Variants in GHR observed in about 807,000 individuals in gnomAD.
GHR encodes growth hormone receptor.
A neutral mutation model predicts 67.1 loss-of-function variants in GHR; 35 were observed. The observed-to-expected ratio is 0.52, with a 90% CI of 0.40 to 0.69. The LOEUF (loss-of-function observed/expected upper bound fraction) is 0.69, where lower values mean the gene tolerates loss of function less well. Ranked by LOEUF, GHR falls within the 30% of genes least tolerant of loss-of-function variation. The pLI, the probability that GHR is intolerant of heterozygous loss-of-function variation, is 0.00. For missense variants in GHR, 792 were observed against 764.6 expected (o/e 1.04, Z -0.42); for synonymous variants, 272 against 269.1 (o/e 1.01, Z -0.10).
intron 1 of GHR, among the ~76,000 whole-genome samples, chr5:42,509,629 C>G (rs941249934): frequency 3.3e-5 from 5 of 151,816 alleles, no homozygotes; most frequent in African/African-American, 1.2e-4. Context: ...CAGCAATTTT[C>G]TTTCTTTCTC....
intron 3 of GHR, among the ~76,000 whole-genome samples, chr5:42,675,473 G>C (rs534144736): frequency 2.0e-5 from 3 of 152,064 alleles, no homozygotes; most frequent in Non-Finnish European, 4.4e-5. Flanking sequence ...ATAAGACAGA[G>C]GAGTGTATGA....
intron 1 of GHR, among the ~76,000 whole-genome samples, chr5:42,440,827 C>T (rs1021595296): frequency 2.6e-5 from 4 of 152,140 alleles, no homozygotes; most frequent in African/African-American, 9.7e-5. Context: ...TTAGTGCTGA[C>T]TTAGATAGTA....
chr5:42,600,988 G>A (rs1226034092), intron 2 of GHR, among the ~76,000 whole-genome samples: 2 of 133,960 alleles, frequency 1.5e-5, no homozygotes, highest in Admixed American at 8.8e-5. Flanking sequence ...GTGCGATGGT[G>A]CAATCTTGTC....
chr5:42,506,405 T>C (rs901684737), intron 1 of GHR, among the ~76,000 whole-genome samples: 1 of 152,224 alleles, frequency 6.6e-6, no homozygotes, highest in African/African-American at 2.4e-5. Flanking sequence ...ATTAATGAAC[T>C]AACAAAAGCA....
intron 1 of GHR, among the ~76,000 whole-genome samples, chr5:42,486,671 C>G (rs1745893660): frequency 6.6e-6 from 1 of 152,060 alleles, no homozygotes; most frequent in South Asian, 2.1e-4. Context: ...CACGGTGAAA[C>G]CCCGTCTCTA....
chr5:42,542,896 C>T (rs1272729676), intron 1 of GHR, among the ~76,000 whole-genome samples: 3 of 152,122 alleles, frequency 2.0e-5, no homozygotes, highest in Non-Finnish European at 2.9e-5. Context: ...TTTGGTTTTC[C>T]ATTCCTGAGT....
At chr5:42,451,318 G>A (rs1264777712) in intron 1 of GHR, among the ~76,000 whole-genome samples, 5 of 151,116 alleles carry the variant, frequency 3.3e-5, no homozygotes, top group African/African-American at 1.2e-4. Context: ...TCCACTGTTA[G>A]ATGCATATAT....
At chr5:42,499,608 G>A (rs905691962) in intron 1 of GHR, among the ~76,000 whole-genome samples, 4 of 152,128 alleles carry the variant, frequency 2.6e-5, no homozygotes, top group East Asian at 1.9e-4. Context: ...GCACAGAGCC[G>A]CAAGAGTAGA....
intron 1 of GHR, among the ~76,000 whole-genome samples, chr5:42,489,993 G>A (rs116272263): frequency 8.6e-5 from 13 of 151,852 alleles, no homozygotes; most frequent in Non-Finnish European, 1.6e-4. Flanking sequence ...AATATAGCAA[G>A]AACATTTTCA....
At chr5:42,643,062 C>A (rs528369552) in intron 3 of GHR, among the ~76,000 whole-genome samples, 8 of 152,224 alleles carry the variant, frequency 5.3e-5, no homozygotes, top group African/African-American at 1.9e-4. Context: ...CAACTAAAGT[C>A]ATATTCACAG....
intron 2 of GHR, among the ~76,000 whole-genome samples, chr5:42,583,176 G>A (rs1751282019): frequency 6.6e-6 from 1 of 152,214 alleles, no homozygotes; most frequent in African/African-American, 2.4e-5. Context: ...TTCTGTGTTA[G>A]GTGTGCTTGT....
At chr5:42,694,653 G>A (rs574422700) in intron 4 of GHR, among the ~76,000 whole-genome samples, 27 of 152,146 alleles carry the variant, frequency 1.8e-4, no homozygotes, top group African/African-American at 2.4e-4. Context: ...CATAGGAATC[G>A]ATTTATGAGC....
chr5:42,519,898 T>C (rs1579859766), intron 1 of GHR, among the ~76,000 whole-genome samples: 1 of 152,306 alleles, frequency 6.6e-6, no homozygotes, highest in Non-Finnish European at 1.5e-5. Context: ...ACAGTTGTTT[T>C]TGCTGCAATT....
chr5:42,424,169 C>G lies in GHR; in HGVS notation c.-12+214C>G, dbSNP rs1177818104. Among the ~76,000 whole-genome samples, 1 of 91,094 alleles carries G rather than the reference C, an allele frequency of 1.1e-5. No homozygotes were observed. The highest frequency in any genetic ancestry group is 2.4e-5 in the Non-Finnish European group (1 of 42,142). The allele number at this position is 91,094 out of a possible 152,430, so 59.8% of individuals were successfully genotyped here. A position where few individuals can be genotyped will look rare whatever the true frequency, so the allele number is the denominator to read the frequency against. On this transcript the variant is annotated intron_variant, in intron 1 of 9. Transcript: ENST00000230882. This position sits in a 1 kb window ranked among gnomAD's most constrained non-coding sequence, Gnocchi z 4.1. Reference sequence around the variant, plus strand: ...TGCTGGTGGGTTGTTGTAACCCAATCTAGTGTGTGTGTGTGTGTGTGTGTG... The same window carrying G: ...TGCTGGTGGGTTGTTGTAACCCAATGTAGTGTGTGTGTGTGTGTGTGTGTG...
At chr5:42,550,807 T>C (rs1199142297) in intron 1 of GHR, among the ~76,000 whole-genome samples, 1 of 152,164 alleles carries the variant, frequency 6.6e-6, no homozygotes, top group African/African-American at 2.4e-5. Flanking sequence ...GCATAGCAGC[T>C]GTTCAGGTGG....
intron 1 of GHR, among the ~76,000 whole-genome samples, chr5:42,563,020 G>A (rs1749704776): frequency 6.6e-6 from 1 of 152,160 alleles, no homozygotes; most frequent in East Asian, 1.9e-4. Context: ...ATTGGAGGAA[G>A]GTCATCTTCT....
At chr5:42,474,912 C>T (rs546171673) in intron 1 of GHR, among the ~76,000 whole-genome samples, 1 of 117,032 alleles carries the variant, frequency 8.5e-6, no homozygotes, top group Admixed American at 1.1e-4. Flanking sequence ...TAAACAGAGT[C>T]TCGCTCTGTT....
intron 1 of GHR, among the ~76,000 whole-genome samples, chr5:42,557,863 C>T (rs1169401953): frequency 6.6e-6 from 1 of 152,088 alleles, no homozygotes; most frequent in African/African-American, 2.4e-5. Context: ...CATTTTTTAT[C>T]AATGTTAGTA....
At chr5:42,452,707 A>G (rs1744102993) in intron 1 of GHR, among the ~76,000 whole-genome samples, 1 of 152,138 alleles carries the variant, frequency 6.6e-6, no homozygotes, top group Non-Finnish European at 1.5e-5. Context: ...ACTGAATTTT[A>G]TATTTCCCTA....
Sources: allele counts gnomAD v4.1 joint callset (sites outside exome capture counted in the v4.1 genomes callset), GRCh38; gene constraint gnomAD v4.1.1; non-coding constraint Gnocchi (gnomAD v3.1); transcripts MANE v1.5; gene names NCBI Gene and HGNC (gene_info 2026-07-23, HGNC 2026-07-21).